Variants in DDX60L observed in about 807,000 individuals in gnomAD.
The protein encoded by DDX60L is probable ATP-dependent RNA helicase DDX60-like.
DDX60L carries 191 observed loss-of-function variants against 211.6 expected under a neutral mutation model. The observed-to-expected ratio is 0.90, with a 90% CI of 0.80 to 1.02. The LOEUF (loss-of-function observed/expected upper bound fraction) is 1.02. Among genes scored for constraint, DDX60L ranks in the 50% least tolerant of loss-of-function variants. DDX60L has a pLI of 0.00. For missense variants in DDX60L, 2,007 were observed against 1,984.1 expected (o/e 1.01, Z -0.22); for synonymous variants, 706 against 694.1 (o/e 1.02, Z -0.27).
At position 168,453,110 on chromosome 4, in the gene DDX60L, C is replaced by T. The variant is rs1709008980; in HGVS notation, c.996+14G>A. 1.3e-6 allele frequency: 2 copies of T among 1,596,108 alleles called. No individual in the cohort carries two copies. Among genetic ancestry groups the T allele is most frequent in the South Asian group, 2.3e-5 (2 of 87,536 alleles). On this transcript the variant is annotated intron_variant, in intron 8 of 37. Coordinates refer to ENST00000682922, the MANE Select transcript of DDX60L (RefSeq NM_001012967.3). Reference sequence around the variant, plus strand: ...CTCTCATGTTCAGACAAAAAATAAACAAAATATGTTTACCATTTTTAAGAA... The same window carrying T: ...CTCTCATGTTCAGACAAAAAATAAATAAAATATGTTTACCATTTTTAAGAA...
intron 36 of DDX60L, among the ~76,000 whole-genome samples, chr4:168,367,829 A>T (rs1180908113): frequency 6.6e-6 from 1 of 152,196 alleles, no homozygotes; most frequent in African/African-American, 2.4e-5. Context: ...TAGCAAAGAG[A>T]CTGGCAGCAT....
intron 8 of DDX60L, 131 bp from the exon 9 acceptor site, chr4:168,448,910 A>G: frequency 1.3e-6 from 1 of 778,968 alleles, no homozygotes; most frequent in Non-Finnish European, 2.0e-6. Flanking sequence ...AATCACAAAT[A>G]TTACAGATGG....
At chr4:168,431,565 G>A (rs2712122) in intron 12 of DDX60L, among the ~76,000 whole-genome samples, 2 of 125,968 alleles carry the variant, frequency 1.6e-5, no homozygotes, top group Non-Finnish European at 3.2e-5. Flanking sequence ...GGTGGGGGGT[G>A]GGGGGAGGGA....
chr4:168,456,610 A>G (rs1317614292), intron 6 of DDX60L, among the ~76,000 whole-genome samples: 1 of 152,170 alleles, frequency 6.6e-6, no homozygotes, highest in Non-Finnish European at 1.5e-5. Flanking sequence ...AGATAAAAGT[A>G]CAGGTAGGTA....
intron 10 of DDX60L, among the ~76,000 whole-genome samples, chr4:168,434,419 T>G (rs1408492441): frequency 6.6e-6 from 1 of 152,172 alleles, no homozygotes; most frequent in Non-Finnish European, 1.5e-5. Context: ...AGGACACACC[T>G]TCCACCACAA....
chr4:168,422,382 C>G, intron 16 of DDX60L, 142 bp downstream of exon 16: 1 of 747,132 alleles, frequency 1.3e-6, no homozygotes, highest in Non-Finnish European at 2.1e-6. Flanking sequence ...TTCTCATACT[C>G]TAGTTACATT....
At chr4:168,441,307 T>G in intron 10 of DDX60L, 30 bp downstream of exon 10, 3 of 1,551,516 alleles carry the variant, frequency 1.9e-6, no homozygotes, top group Non-Finnish European at 2.6e-6. Flanking sequence ...AAACATGCTT[T>G]TGTTCCACTT....
intron 9 of DDX60L, among the ~76,000 whole-genome samples, chr4:168,442,658 C>G (rs1754084506): frequency 6.6e-6 from 1 of 151,828 alleles, no homozygotes. Context: ...CAGTGGTTCT[C>G]CCAGCACGCA....
chr4:168,424,231 T>C (rs1751117471), intron 14 of DDX60L, among the ~76,000 whole-genome samples: 1 of 152,210 alleles, frequency 6.6e-6, no homozygotes, highest in African/African-American at 2.4e-5. Context: ...CATACAGTAC[T>C]TGTATTTATG....
chr4:168,432,225 TA>T (rs1752457576), intron 12 of DDX60L, among the ~76,000 whole-genome samples: 1 of 148,844 alleles, frequency 6.7e-6, no homozygotes, highest in East Asian at 1.9e-4. Context: ...CCTCTTCAAT[TA>T]ATATATATAT....
intron 37 of DDX60L, among the ~76,000 whole-genome samples, chr4:168,359,233 C>T (rs2149581706): frequency 6.6e-6 from 1 of 152,270 alleles, no homozygotes; most frequent in Non-Finnish European, 1.5e-5. Flanking sequence ...GGAATGATCA[C>T]ATCTTTATCT....
chr4:168,420,025 A>G (rs931730426), intron 18 of DDX60L, among the ~76,000 whole-genome samples: 3 of 152,234 alleles, frequency 2.0e-5, no homozygotes, highest in African/African-American at 7.2e-5. Flanking sequence ...ATGAAATATC[A>G]TAACTTTCTA....
At chr4:168,360,559 A>C (rs1249407736) in intron 37 of DDX60L, among the ~76,000 whole-genome samples, 4 of 152,242 alleles carry the variant, frequency 2.6e-5, no homozygotes, top group Non-Finnish European at 5.9e-5. Context: ...TACACTTGAT[A>C]AAGAAGTAAG....
In DDX60L at chr4:168,417,927, A is replaced by G. The variant is rs557848573; in HGVS notation, c.2611-1130T>C. Among the ~76,000 whole-genome samples the G allele has an allele frequency of 2.0e-5, 3 of 152,340 alleles. No homozygotes were observed. The East Asian group carries it at 5.8e-4, about 29-fold the overall frequency. On this transcript the variant is annotated intron_variant, in intron 19 of 37. Coordinates refer to ENST00000682922, the MANE Select transcript of DDX60L (RefSeq NM_001012967.3). ...CCTTCTGACTTTGATCTAGTCAGATAATCGCCCACTTTACCAAATGCTAAT... is the reference window on the plus strand; with the variant it reads ...CCTTCTGACTTTGATCTAGTCAGATGATCGCCCACTTTACCAAATGCTAAT...
intron 10 of DDX60L, among the ~76,000 whole-genome samples, chr4:168,438,083 C>T (rs1342851097): frequency 6.6e-6 from 1 of 152,096 alleles, no homozygotes; most frequent in Admixed American, 6.6e-5. Flanking sequence ...CTGTGTTAGC[C>T]AGGATGGTCT....
At chr4:168,361,300 CAGTTAATTTAT>C in intron 36 of DDX60L, 89 bp from the exon 37 acceptor site, 12 of 820,574 alleles carry the variant, frequency 1.5e-5, no homozygotes, top group South Asian at 5.1e-5. Flanking sequence ...CTGTCCATGG[CAGTTAATTTAT>C]CTGCCAAATG....
At position 168,416,783 on chromosome 4, in the gene DDX60L, G is replaced by A; in HGVS notation, c.2625C>T (p.Gly875=). The part of the protein sequence containing the change: ...YVIFDEVHYL[G]REVGAKFWEL... ...CCCAAAATTTTGCTCCAACTTCTCT[G>A]CCAAGATAATGGACCTAGTAAAGAA... Residue 875 remains glycine (G), a synonymous_variant, in exon 20 of 38, where the codon GGC becomes GGT. Coordinates refer to ENST00000682922, the MANE Select transcript of DDX60L (RefSeq NM_001012967.3). 1 of 1,587,372 alleles carries A rather than the reference G, an allele frequency of 6.3e-7. No individual in the cohort carries two copies. The highest frequency in any genetic ancestry group is 1.2e-5 in the South Asian group (1 of 86,742).
intron 4 of DDX60L, among the ~76,000 whole-genome samples, chr4:168,462,688 C>T (rs554167396): frequency 1.3e-5 from 2 of 152,260 alleles, no homozygotes; most frequent in East Asian, 3.9e-4. Flanking sequence ...TGGTGGGTGC[C>T]TGCAAGCCCA....
rs547484721 is a variant in DDX60L at position 168,456,287 on chromosome 4, T to TA, written c.724-136dup. On this transcript the variant is annotated intron_variant, in intron 6 of 37. Coordinates refer to ENST00000682922, the MANE Select transcript of DDX60L (RefSeq NM_001012967.3). ...TAAACGGAACTTCAAATGTTTAGTT[T>TA]AAAAATGTATGATCATTTTAATGAT... 1.2e-4 allele frequency: 55 copies of TA among 443,330 alleles called. 1 individual carries two copies. Among genetic ancestry groups the TA allele is most frequent in the African/African-American group, 9.4e-4 (46 of 48,906 alleles). 27.5% of individuals were successfully genotyped at this position (443,330 alleles called of 1,614,324 possible). A position where few individuals can be genotyped will look rare whatever the true frequency, so the allele number is the denominator to read the frequency against.
Sources: allele counts gnomAD v4.1 joint callset (sites outside exome capture counted in the v4.1 genomes callset), GRCh38; gene constraint gnomAD v4.1.1; transcripts MANE v1.5; gene names NCBI Gene and HGNC (gene_info 2026-07-23, HGNC 2026-07-21).